The following TECRL variants were observed in gnomAD, a reference collection of about 807,000 sequenced individuals.
TECRL encodes trans-2,3-enoyl-CoA reductase like.
A neutral mutation model predicts 52.8 loss-of-function variants in TECRL; 63 were observed. The observed-to-expected ratio is 1.19, with a 90% CI of 0.97 to 1.47. The LOEUF (loss-of-function observed/expected upper bound fraction) is 1.47, where lower values mean the gene tolerates loss of function less well. Ranked by LOEUF, TECRL falls within the 40% of genes most tolerant of loss-of-function variation. The probability of loss-of-function intolerance (pLI) is 0.00; values close to 1 mark genes in which losing one functional copy is unlikely to be tolerated. For synonymous variants in TECRL, 164 were observed against 141.9 expected, an observed-to-expected ratio of 1.16 and a Z score of -1.10; for missense variants, 482 against 429.6, an observed-to-expected ratio of 1.12 and a Z score of -1.08.
intron 1 of TECRL, among the ~76,000 whole-genome samples, chr4:64,393,892 G>A (rs1025594019): frequency 4.6e-5 from 7 of 151,906 alleles, no homozygotes; most frequent in Admixed American, 4.6e-4. Context: ...GAGCTAGCTA[G>A]CTAGATAAAA....
At chr4:64,373,521 A>T (rs1722126593) in intron 2 of TECRL, among the ~76,000 whole-genome samples, 2 of 151,812 alleles carry the variant, frequency 1.3e-5, no homozygotes, top group Admixed American at 1.3e-4. Flanking sequence ...TTAAGATTTC[A>T]AGTAATTGTT....
At chr4:64,373,644 T>C (rs1441571955) in intron 2 of TECRL, among the ~76,000 whole-genome samples, 1 of 151,842 alleles carries the variant, frequency 6.6e-6, no homozygotes, top group Non-Finnish European at 1.5e-5. Flanking sequence ...TTTCCAACAA[T>C]AGAAATAAGA....
At chr4:64,369,978 A>G (rs1483293) in intron 2 of TECRL, among the ~76,000 whole-genome samples, 135,898 of 151,562 alleles carry the variant, frequency 0.9, 61,622 homozygotes, top group East Asian at 1. Context: ...ACAGATTGAA[A>G]GAGTGAGGAA....
chr4:64,288,795 T>C (rs1723218376), intron 9 of TECRL, among the ~76,000 whole-genome samples: 1 of 152,152 alleles, frequency 6.6e-6, no homozygotes, highest in African/African-American at 2.4e-5. Flanking sequence ...ATGAGATGCA[T>C]TGAAAACTGC....
intron 4 of TECRL, among the ~76,000 whole-genome samples, chr4:64,315,828 A>G (rs1717459602): frequency 6.6e-6 from 1 of 152,096 alleles, no homozygotes; most frequent in African/African-American, 2.4e-5. Flanking sequence ...TAATTTACAT[A>G]TGGAGGTTTC....
intron 1 of TECRL, among the ~76,000 whole-genome samples, chr4:64,382,283 TTATATTA>T (rs1323305715): frequency 6.9e-6 from 1 of 145,122 alleles, no homozygotes; most frequent in Non-Finnish European, 1.5e-5. Context: ...ATATATTATA[TTATATTA>T]TATATTATAC....
intron 4 of TECRL, among the ~76,000 whole-genome samples, chr4:64,317,050 G>A (rs1330340480): frequency 2.0e-5 from 3 of 152,064 alleles, no homozygotes; most frequent in East Asian, 3.9e-4. Context: ...AGGCCGAGGC[G>A]GGCGGATGAC....
intron 10 of TECRL, 133 bp from the exon 11 acceptor site, chr4:64,281,219 A>G (rs1414968348): frequency 1.7e-6 from 1 of 599,748 alleles, no homozygotes; most frequent in Non-Finnish European, 2.8e-6. Context: ...TTCAAGAAAT[A>G]ATAATTTAAT....
At chr4:64,339,552 G>A (rs1719396442) in intron 2 of TECRL, among the ~76,000 whole-genome samples, 1 of 151,750 alleles carries the variant, frequency 6.6e-6, no homozygotes, top group Non-Finnish European at 1.5e-5. Flanking sequence ...TATGTCTAAT[G>A]TTCTTTCCAC....
rs552035175 is a variant in TECRL, at chr4:64,314,855, G to A, written c.436-92C>T. ...TGAGTATTAGCCTACTGCATAAATT[G>A]GTGAAACAGGTAGATTTTTTGTAAC... On this transcript the variant is annotated intron_variant, in intron 4 of 11. Coordinates refer to ENST00000381210, the MANE Select transcript of TECRL (RefSeq NM_001010874.5). 11 of 852,828 alleles carry A rather than the reference G, an allele frequency of 1.3e-5. No individual in the cohort carries two copies. In the Admixed American group the frequency reaches 2.5e-4, roughly 19 times the overall value. 52.8% of individuals were successfully genotyped at this position (852,828 alleles called of 1,614,324 possible).
At chr4:64,387,305 C>T (rs1723245362) in intron 1 of TECRL, among the ~76,000 whole-genome samples, 1 of 152,104 alleles carries the variant, frequency 6.6e-6, no homozygotes, top group Non-Finnish European at 1.5e-5. Context: ...TTTGTCCATT[C>T]ACCTACTGAA....
intron 5 of TECRL, among the ~76,000 whole-genome samples, chr4:64,311,110 A>G (rs1454431635): frequency 6.6e-6 from 1 of 152,172 alleles, no homozygotes; most frequent in Non-Finnish European, 1.5e-5. Flanking sequence ...GAGTTTATTT[A>G]TACGTTTGGG....
At chr4:64,364,855 A>G (rs1721482277) in intron 2 of TECRL, among the ~76,000 whole-genome samples, 1 of 41,536 alleles carries the variant, frequency 2.4e-5, no homozygotes, top group Non-Finnish European at 6.8e-5. Flanking sequence ...AGTGCTACTA[A>G]AACTATTTTT....
chr4:64,345,838 T>C (rs1205898187), intron 2 of TECRL, among the ~76,000 whole-genome samples: 2 of 138,742 alleles, frequency 1.4e-5, no homozygotes, highest in African/African-American at 5.5e-5. Flanking sequence ...TTTTCCACTT[T>C]GACTACACAT....
At chr4:64,351,419 C>T (rs1036495410) in intron 2 of TECRL, among the ~76,000 whole-genome samples, 1 of 151,916 alleles carries the variant, frequency 6.6e-6, no homozygotes, top group Non-Finnish European at 1.5e-5. Flanking sequence ...GGGAAGGAGA[C>T]ACATACCACC....
At chr4:64,353,196 A>G (rs1161398077) in intron 2 of TECRL, among the ~76,000 whole-genome samples, 1 of 152,220 alleles carries the variant, frequency 6.6e-6, no homozygotes, top group Non-Finnish European at 1.5e-5. Context: ...ACACAGAATA[A>G]GAAGTTCTCA....
chr4:64,322,561 T>C (rs1250063853), intron 4 of TECRL, 128 bp downstream of exon 4: 7 of 530,174 alleles, frequency 1.3e-5, no homozygotes, highest in Admixed American at 4.4e-5. Flanking sequence ...ATAGTAAGAA[T>C]AGAAAATTAA....
chr4:64,374,324 A>G (rs1236982646), intron 2 of TECRL, among the ~76,000 whole-genome samples: 1 of 151,106 alleles, frequency 6.6e-6, no homozygotes, highest in Non-Finnish European at 1.5e-5. Context: ...CACCATTTGC[A>G]ATTTATTTCT....
rs1271532343 is a variant in TECRL at position 64,347,946 on chromosome 4, G to A, written c.287-19390C>T. 2.6e-5 allele frequency among the ~76,000 whole-genome samples: 4 copies of A among 152,272 alleles called. No individual in the cohort carries two copies. In the East Asian group the frequency reaches 7.7e-4, roughly 29 times the overall value. On this transcript the variant is annotated intron_variant, in intron 2 of 11. Coordinates refer to ENST00000381210, the MANE Select transcript of TECRL (RefSeq NM_001010874.5). ...CAACCAGTCAGCAAGTCTCTAGGAA[G>A]TTTCAAACTTTCTCACATCTTCCTG...
Sources: allele counts gnomAD v4.1 joint callset (sites outside exome capture counted in the v4.1 genomes callset), GRCh38; gene constraint gnomAD v4.1.1; transcripts MANE v1.5; gene names NCBI Gene and HGNC (gene_info 2026-07-23, HGNC 2026-07-21).